Variants in RNGTT observed in about 807,000 individuals in gnomAD.
The protein encoded by RNGTT is RNA guanylyltransferase and 5'-phosphatase, also known as mRNA-capping enzyme.
Under a neutral mutation model 79.3 loss-of-function variants are expected in RNGTT, and 33 were observed. The ratio of observed to expected loss-of-function variants is 0.42; its 90% CI spans 0.32 to 0.56. RNGTT has a LOEUF of 0.56. Among genes scored for constraint, RNGTT ranks in the 20% least tolerant of loss-of-function variants. The pLI, the probability that RNGTT is intolerant of heterozygous loss-of-function variation, is 0.17. For synonymous variants in RNGTT, 222 were observed against 235.9 expected (o/e 0.94, Z 0.54); for missense variants, 497 against 739.1 (o/e 0.67, Z 3.80).
Position 88,674,173 on chromosome 6 carries a change from G to C in RNGTT, c.1506+4180C>G, listed in dbSNP as rs534688993. The stretch of plus-strand genomic sequence containing the variant: ...AATGATGAACTTTAGAGAACGTTTA[G>C]ATTTAGGTTAAATTAATGGAGTTAT... On this transcript the variant is annotated intron_variant, in intron 14 of 15. Transcript: ENST00000369485. Among the ~76,000 whole-genome samples, 6 of 152,342 alleles carry C rather than the reference G, an allele frequency of 3.9e-5. No homozygotes were observed. The South Asian group carries it at 6.2e-4, about 16-fold the overall frequency.
At chr6:88,629,387 G>A (rs972409538) in intron 14 of RNGTT, among the ~76,000 whole-genome samples, 8 of 152,122 alleles carry the variant, frequency 5.3e-5, no homozygotes, top group Non-Finnish European at 7.4e-5. Context: ...GGTAAAATAC[G>A]TGCTATTATC....
At chr6:88,712,140 T>C (rs1776340665) in intron 13 of RNGTT, among the ~76,000 whole-genome samples, 1 of 152,132 alleles carries the variant, frequency 6.6e-6, no homozygotes, top group African/African-American at 2.4e-5. Context: ...ATCTAAAATA[T>C]GTACTTGAGA....
chr6:88,889,812 A>C (rs1470792399), intron 8 of RNGTT, among the ~76,000 whole-genome samples: 1 of 152,152 alleles, frequency 6.6e-6, no homozygotes, highest in Non-Finnish European at 1.5e-5. Flanking sequence ...TTTAAAAAAT[A>C]GCCAGGCAGG....
At chr6:88,762,742 T>C (rs1778312433) in intron 13 of RNGTT, among the ~76,000 whole-genome samples, 1 of 152,184 alleles carries the variant, frequency 6.6e-6, no homozygotes, top group Admixed American at 6.5e-5. Flanking sequence ...ACATGTATTA[T>C]GTCATTAAAG....
intron 12 of RNGTT, among the ~76,000 whole-genome samples, chr6:88,801,076 G>A (rs1307039845): frequency 3.3e-5 from 5 of 152,126 alleles, no homozygotes; most frequent in Non-Finnish European, 7.4e-5. Context: ...GTTCTTCAGT[G>A]CATTTCAAAA....
chr6:88,723,306 C>A (rs1776768429), intron 13 of RNGTT, among the ~76,000 whole-genome samples: 1 of 152,114 alleles, frequency 6.6e-6, no homozygotes, highest in South Asian at 2.1e-4. Flanking sequence ...GAAGGAGCCC[C>A]AGGTAGGAAA....
intron 13 of RNGTT, among the ~76,000 whole-genome samples, chr6:88,732,769 G>A (rs953958888): frequency 2.0e-5 from 3 of 152,178 alleles, no homozygotes; most frequent in African/African-American, 7.2e-5. Context: ...TAGATGGAAA[G>A]TAGAAAGCCA....
intron 11 of RNGTT, among the ~76,000 whole-genome samples, chr6:88,805,581 G>A (rs2127866269): frequency 6.6e-6 from 1 of 152,254 alleles, no homozygotes; most frequent in East Asian, 1.9e-4. Flanking sequence ...AGAAAGACTT[G>A]GTCCTGACAA....
At chr6:88,869,986 G>A (rs1035030973) in intron 8 of RNGTT, among the ~76,000 whole-genome samples, 1 of 151,952 alleles carries the variant, frequency 6.6e-6, no homozygotes, top group Non-Finnish European at 1.5e-5. Context: ...TTAGTTTTCT[G>A]CCCATGCAAA....
chr6:88,651,807 T>C (rs1445600214), intron 14 of RNGTT, among the ~76,000 whole-genome samples: 1 of 152,196 alleles, frequency 6.6e-6, no homozygotes, highest in Non-Finnish European at 1.5e-5. Flanking sequence ...TACTGGCTAA[T>C]AACACTTAGA....
intron 13 of RNGTT, among the ~76,000 whole-genome samples, chr6:88,739,246 C>T (rs1777387480): frequency 6.6e-6 from 1 of 151,980 alleles, no homozygotes; most frequent in Admixed American, 6.6e-5. Flanking sequence ...ATTTATGGAA[C>T]CAAGAACTCT....
At chr6:88,833,366 T>G (rs1449908034) in intron 11 of RNGTT, among the ~76,000 whole-genome samples, 1 of 152,054 alleles carries the variant, frequency 6.6e-6, no homozygotes, top group East Asian at 1.9e-4. Context: ...AAGTGGGAGT[T>G]GAACAATGAG....
chr6:88,809,592 A>G (rs1442109699), intron 11 of RNGTT, among the ~76,000 whole-genome samples: 2 of 152,220 alleles, frequency 1.3e-5, no homozygotes, highest in East Asian at 3.8e-4. Flanking sequence ...TTGAAAATTA[A>G]ATAACACACT....
At chr6:88,955,418 C>T (rs559145988) in intron 1 of RNGTT, among the ~76,000 whole-genome samples, 16 of 151,892 alleles carry the variant, frequency 1.1e-4, no homozygotes, top group Middle Eastern at 3.4e-3. Context: ...GGCATGGTGG[C>T]GGGCGCCTGT....
chr6:88,916,061 A>G (rs2127948061), intron 4 of RNGTT, among the ~76,000 whole-genome samples: 1 of 152,332 alleles, frequency 6.6e-6, no homozygotes, highest in East Asian at 1.9e-4. Flanking sequence ...CCACAATGAG[A>G]TCCTAGTATA....
chr6:88,741,457 A>G (rs1777490352), intron 13 of RNGTT, among the ~76,000 whole-genome samples: 1 of 152,136 alleles, frequency 6.6e-6, no homozygotes, highest in Non-Finnish European at 1.5e-5. Flanking sequence ...AAAGAGGGGA[A>G]AGGGATGCAA....
chr6:88,890,692 A>G lies in RNGTT; in HGVS notation c.795-96T>C, dbSNP rs114529708. 6.8e-4 allele frequency: 485 copies of G among 709,178 alleles called. 3 individuals are homozygous for G. The African/African-American group carries it at 7.9e-3, about 12-fold the overall frequency. The allele number at this position is 709,178 out of a possible 1,614,324, so 43.9% of individuals were successfully genotyped here. On this transcript the variant is annotated intron_variant, in intron 7 of 15. Coordinates refer to ENST00000369485, the MANE Select transcript of RNGTT (RefSeq NM_003800.5). The stretch of plus-strand genomic sequence containing the variant: ...TCAAATGAATCACACATTTATCACA[A>G]TGTTCTCCCTATGATGAGATTAATG...
chr6:88,854,197 T>G (rs1781768352), intron 8 of RNGTT, among the ~76,000 whole-genome samples: 1 of 152,172 alleles, frequency 6.6e-6, no homozygotes, highest in Non-Finnish European at 1.5e-5. Flanking sequence ...CCCAAAGTGC[T>G]GCGATTACAG....
chr6:88,752,552 C>G (rs891716325), intron 13 of RNGTT, among the ~76,000 whole-genome samples: 2 of 152,042 alleles, frequency 1.3e-5, no homozygotes, highest in African/African-American at 4.8e-5. Context: ...CTTCATTTTA[C>G]CAAGGCTTAG....
Sources: gnomAD v4.1 joint callset for allele counts (sites outside exome capture counted in the v4.1 genomes callset) on GRCh38, gnomAD v4.1.1 for gene constraint, MANE v1.5 for transcripts, NCBI Gene and HGNC (gene_info 2026-07-23, HGNC 2026-07-21) for gene names.